The following NR3C2 variants were observed in gnomAD, a reference collection of about 807,000 sequenced individuals.
NR3C2 encodes mineralocorticoid receptor.
In NR3C2, 15 loss-of-function variants were observed where a neutral mutation model predicts 86.4. That is an observed-to-expected ratio of 0.17 (90% CI 0.12 to 0.27). The LOEUF is 0.27. Among genes scored for constraint, NR3C2 ranks in the 10% least tolerant of loss-of-function variants. The pLI is 1.00. For missense variants in NR3C2, 960 were observed against 1,195.6 expected, an observed-to-expected ratio of 0.80 and a Z score of 2.91; for synonymous variants, 458 against 450.5, an observed-to-expected ratio of 1.02 and a Z score of -0.21.
chr4:148,331,532 A>G (rs1218063872), intron 2 of NR3C2, among the ~76,000 whole-genome samples: 2 of 152,268 alleles, frequency 1.3e-5, no homozygotes, highest in African/African-American at 2.4e-5. Context: ...TGAAAGTTAC[A>G]TAAAGTATAT....
intron 8 of NR3C2, among the ~76,000 whole-genome samples, chr4:148,090,854 T>G (rs989012893): frequency 1.3e-5 from 2 of 152,230 alleles, no homozygotes; most frequent in African/African-American, 4.8e-5. Context: ...GGCTTCTGTT[T>G]ATGCCTCGGT....
chr4:148,409,780 G>A (rs1030377885), intron 2 of NR3C2, among the ~76,000 whole-genome samples: 1 of 151,854 alleles, frequency 6.6e-6, no homozygotes, highest in African/African-American at 2.4e-5. Context: ...ATAAGTTCAC[G>A]GTACAATGTC....
chr4:148,328,415 T>G (rs1323320756), intron 2 of NR3C2, among the ~76,000 whole-genome samples: 1 of 152,172 alleles, frequency 6.6e-6, no homozygotes, highest in African/African-American at 2.4e-5. Flanking sequence ...CACAATTATG[T>G]TCAAAAGGGA....
intron 2 of NR3C2, among the ~76,000 whole-genome samples, chr4:148,266,284 G>T (rs1437437673): frequency 1.3e-5 from 2 of 152,076 alleles, no homozygotes; most frequent in Non-Finnish European, 2.9e-5. Flanking sequence ...TGTTGGCCAG[G>T]ACAGTCTCGA....
At chr4:148,383,952 G>GAAAAA (rs60506239) in intron 2 of NR3C2, among the ~76,000 whole-genome samples, 1 of 120,196 alleles carries the variant, frequency 8.3e-6, no homozygotes, top group African/African-American at 3.1e-5. Context: ...TGTCTCAGGG[G>GAAAAA]AAAAAAAAAA....
intron 8 of NR3C2, among the ~76,000 whole-genome samples, chr4:148,112,757 A>T (rs1474938754): frequency 2.0e-5 from 3 of 152,228 alleles, no homozygotes; most frequent in African/African-American, 7.2e-5. Context: ...ACATTCTTTT[A>T]TCAATCAACC....
chr4:148,258,129 G>A (rs908791549), intron 3 of NR3C2, among the ~76,000 whole-genome samples: 3 of 152,200 alleles, frequency 2.0e-5, no homozygotes, highest in African/African-American at 7.2e-5. Flanking sequence ...TGACATGAAG[G>A]TGGATCTACA....
At chr4:148,102,918 T>G (rs1270573035) in intron 8 of NR3C2, among the ~76,000 whole-genome samples, 1 of 152,208 alleles carries the variant, frequency 6.6e-6, no homozygotes, top group Non-Finnish European at 1.5e-5. Context: ...AGCTCCAGAT[T>G]CTCTACAGAT....
chr4:148,196,178 C>A (rs1192166942), intron 3 of NR3C2, among the ~76,000 whole-genome samples: 1 of 152,028 alleles, frequency 6.6e-6, no homozygotes, highest in Non-Finnish European at 1.5e-5. Flanking sequence ...GCTGACAGAT[C>A]AGAGGAAATG....
intron 2 of NR3C2, among the ~76,000 whole-genome samples, chr4:148,338,808 T>C (rs1426424516): frequency 1.3e-5 from 2 of 152,118 alleles, no homozygotes; most frequent in East Asian, 3.9e-4. Flanking sequence ...GTTCTAAAAG[T>C]TAGGAATTAA....
chr4:148,360,628 G>C (rs1247793153), intron 2 of NR3C2, among the ~76,000 whole-genome samples: 1 of 152,064 alleles, frequency 6.6e-6, no homozygotes, highest in Non-Finnish European at 1.5e-5. Flanking sequence ...ATTGGATTTA[G>C]GATGTGTTTG....
At chr4:148,169,134 T>A (rs1735009740) in intron 4 of NR3C2, among the ~76,000 whole-genome samples, 2 of 152,220 alleles carry the variant, frequency 1.3e-5, no homozygotes. Flanking sequence ...AGCATCTGGA[T>A]GAATAGATCT....
intron 4 of NR3C2, 84 bp from the exon 5 acceptor site, chr4:148,154,985 T>A: frequency 9.4e-7 from 1 of 1,064,988 alleles, no homozygotes; most frequent in Non-Finnish European, 1.4e-6. Flanking sequence ...ACAGTTTTCC[T>A]CTAAATAGAT....
intron 2 of NR3C2, among the ~76,000 whole-genome samples, chr4:148,406,885 C>G (rs1748453397): frequency 6.6e-6 from 1 of 152,136 alleles, no homozygotes; most frequent in Admixed American, 6.5e-5. Flanking sequence ...GTCTGACAGT[C>G]AATAGTTTCA....
intron 2 of NR3C2, among the ~76,000 whole-genome samples, chr4:148,384,214 C>A (rs190801552): frequency 2.2e-4 from 33 of 151,842 alleles, no homozygotes; most frequent in African/African-American, 3.9e-4. Context: ...TAAATATTTT[C>A]TATACAGTAA....
chr4:148,242,715 T>TAGTC (rs1739120818), intron 3 of NR3C2, among the ~76,000 whole-genome samples: 5 of 151,990 alleles, frequency 3.3e-5, no homozygotes, highest in Non-Finnish European at 5.9e-5. Flanking sequence ...CTAAAAACTG[T>TAGTC]TTAACCAATG....
chr4:148,246,157 C>T (rs1001890253), intron 3 of NR3C2, among the ~76,000 whole-genome samples: 1 of 152,096 alleles, frequency 6.6e-6, no homozygotes, highest in Non-Finnish European at 1.5e-5. Context: ...TATATGAGGC[C>T]ATTTCCATTT....
At chr4:148,120,375 C>T (rs1732461086) in intron 6 of NR3C2, 87 bp from the exon 7 acceptor site, 1 of 1,533,628 alleles carries the variant, frequency 6.5e-7, no homozygotes, top group African/African-American at 1.4e-5. Context: ...AATAAGAGAT[C>T]TGAGTCAGAA....
chr4:148,292,053 T>A (rs911322395), intron 2 of NR3C2, among the ~76,000 whole-genome samples: 6 of 152,134 alleles, frequency 3.9e-5, no homozygotes, highest in African/African-American at 1.4e-4. Context: ...TATATTACTT[T>A]TGCACCATTG....
Sources: allele counts gnomAD v4.1 joint callset (sites outside exome capture counted in the v4.1 genomes callset), GRCh38; gene constraint gnomAD v4.1.1; transcripts MANE v1.5; gene names NCBI Gene and HGNC (gene_info 2026-07-23, HGNC 2026-07-21).